The following PLXDC2 variants were observed in gnomAD, a reference collection of about 807,000 sequenced individuals.
PLXDC2 encodes plexin domain-containing protein 2.
PLXDC2 carries 40 observed loss-of-function variants against 68.9 expected under a neutral mutation model. That is an observed-to-expected ratio of 0.58 (90% CI 0.45 to 0.76). The LOEUF (loss-of-function observed/expected upper bound fraction) is 0.76. Ranked by LOEUF, PLXDC2 falls within the 30% of genes least tolerant of loss-of-function variation. The pLI is 0.00. For missense variants in PLXDC2, 644 were observed against 661.9 expected (o/e 0.97, Z 0.30); for synonymous variants, 243 against 234.2 (o/e 1.04, Z -0.34).
At position 20,044,209 on chromosome 10, in the gene PLXDC2, CTGTCTT is replaced by C. The variant is rs879321073; in HGVS notation, c.325-2658_325-2653del. ...TCTTTCTTTCTCTCTCTCTCTCTCTCTGTCTTTCTTTCTTTCTTTCTTTCTTTCTTT... is the reference window on the plus strand; with the variant it reads ...TCTTTCTTTCTCTCTCTCTCTCTCTCTCTTTCTTTCTTTCTTTCTTTCTTT... On this transcript the variant is annotated intron_variant, in intron 2 of 13. Coordinates refer to ENST00000377252, the MANE Select transcript of PLXDC2 (RefSeq NM_032812.9). Among the ~76,000 whole-genome samples the C allele has an allele frequency of 1.2e-3, 109 of 91,576 alleles. 1 individual carries two copies. The highest frequency in any genetic ancestry group is 2.1e-3 in the South Asian group (5 of 2,372). 60.1% of individuals were successfully genotyped at this position (91,576 alleles called of 152,430 possible).
At position 20,115,323 on chromosome 10, in the gene PLXDC2, G is replaced by A. The variant is rs578009747; in HGVS notation, c.542-27972G>A. On this transcript the variant is annotated intron_variant, in intron 4 of 13. Coordinates refer to ENST00000377252, the MANE Select transcript of PLXDC2 (RefSeq NM_032812.9). ...TTCCTTTTGCGAGATGGTCTGGGCT[G>A]AGTGTGGGGCACCTAAGCTGACCCC... Among the ~76,000 whole-genome samples, 4 of 152,300 alleles carry A rather than the reference G, an allele frequency of 2.6e-5. No homozygotes were observed. The South Asian group carries it at 8.3e-4, about 32-fold the overall frequency.
At chr10:20,056,824 C>G (rs1451127184) in intron 3 of PLXDC2, among the ~76,000 whole-genome samples, 4 of 152,118 alleles carry the variant, frequency 2.6e-5, no homozygotes, top group African/African-American at 7.2e-5. Context: ...ATAATACATT[C>G]TCTATTACCG....
chr10:19,876,785 G>A (rs1375799849), intron 1 of PLXDC2, among the ~76,000 whole-genome samples: 1 of 151,998 alleles, frequency 6.6e-6, no homozygotes, highest in Non-Finnish European at 1.5e-5. Flanking sequence ...ATGTTGCATA[G>A]CAGATAAAAG....
chr10:20,194,877 A>G (rs943038575), intron 9 of PLXDC2, among the ~76,000 whole-genome samples: 26 of 148,510 alleles, frequency 1.8e-4, no homozygotes, highest in African/African-American at 5.5e-4. Context: ...GCTTTGCTCA[A>G]TTACTATTAT....
chr10:19,892,730 C>T (rs1012738574), intron 1 of PLXDC2, among the ~76,000 whole-genome samples: 3 of 152,110 alleles, frequency 2.0e-5, no homozygotes, highest in African/African-American at 7.2e-5. Flanking sequence ...TCCTGCAAAC[C>T]ATTCCCGTAT....
intron 4 of PLXDC2, among the ~76,000 whole-genome samples, chr10:20,080,787 A>C (rs1244228711): frequency 6.6e-6 from 1 of 152,186 alleles, no homozygotes; most frequent in Non-Finnish European, 1.5e-5. Context: ...CCATCACACA[A>C]GGCAAACCAC....
chr10:20,070,455 G>C (rs903042762), intron 4 of PLXDC2, among the ~76,000 whole-genome samples: 19 of 152,234 alleles, frequency 1.2e-4, no homozygotes, highest in Non-Finnish European at 2.6e-4. Flanking sequence ...CTTAAATTTT[G>C]TGTGAAAATA....
intron 4 of PLXDC2, among the ~76,000 whole-genome samples, chr10:20,105,681 A>T (rs1182889367): frequency 6.6e-6 from 1 of 152,022 alleles, no homozygotes; most frequent in Non-Finnish European, 1.5e-5. Flanking sequence ...CTCTGCAGCA[A>T]CCCGGAGCAA....
Position 20,283,729 on chromosome 10 carries a change from C to T in PLXDC2, c.*3910C>T, listed in dbSNP as rs1391052328. The T allele has an allele frequency of 6.6e-6, 1 of 152,114 alleles. No homozygotes were observed. The allele number at this position is 152,114 out of a possible 1,614,324, so 9.4% of individuals were successfully genotyped here. ...GTTTCTTATGATTTCCTATTTTACACTTAACAGCAAAAGGAGGCTTCCATT... is the reference window on the plus strand; with the variant it reads ...GTTTCTTATGATTTCCTATTTTACATTTAACAGCAAAAGGAGGCTTCCATT... On this transcript the variant is annotated 3_prime_UTR_variant, in exon 14 of 14. Coordinates refer to ENST00000377252, the MANE Select transcript of PLXDC2 (RefSeq NM_032812.9).
intron 4 of PLXDC2, among the ~76,000 whole-genome samples, chr10:20,125,158 A>G (rs995467990): frequency 6.6e-6 from 1 of 151,742 alleles, no homozygotes; most frequent in Middle Eastern, 3.2e-3. Context: ...CCCCCTACCC[A>G]CACACCTGTT....
intron 1 of PLXDC2, among the ~76,000 whole-genome samples, chr10:19,988,731 T>C (rs1300185642): frequency 1.3e-5 from 2 of 150,582 alleles, no homozygotes; most frequent in African/African-American, 4.9e-5. Flanking sequence ...GTCTAAAATA[T>C]TTATATTGGC....
chr10:20,056,638 T>A (rs1241226417), intron 3 of PLXDC2, among the ~76,000 whole-genome samples: 1 of 152,160 alleles, frequency 6.6e-6, no homozygotes, highest in East Asian at 1.9e-4. Context: ...TTCACATTGA[T>A]CCATTTCTTT....
intron 1 of PLXDC2, among the ~76,000 whole-genome samples, chr10:19,954,102 G>C (rs548961829): frequency 6.6e-6 from 1 of 152,146 alleles, no homozygotes; most frequent in South Asian, 2.1e-4. Context: ...AATAGGCAGA[G>C]ATTATGAGAA....
rs552474069 is a variant in PLXDC2, at chr10:20,025,563, C to T, written c.325-21306C>T. ...AGGTGTGAGCCACAGCACCCAGCCTCGACTTTTTAATTCTAGCCATTCTGA... is the reference window on the plus strand; with the variant it reads ...AGGTGTGAGCCACAGCACCCAGCCTTGACTTTTTAATTCTAGCCATTCTGA... On this transcript the variant is annotated intron_variant, in intron 2 of 13. Transcript: ENST00000377252. Among the ~76,000 whole-genome samples the T allele has an allele frequency of 8.5e-5, 13 of 152,086 alleles. No individual in the cohort carries two copies. In the South Asian group the frequency reaches 1.7e-3, roughly 19 times the overall value.
intron 2 of PLXDC2, among the ~76,000 whole-genome samples, chr10:20,025,576 C>G (rs1835386223): frequency 6.6e-6 from 1 of 152,032 alleles, no homozygotes; most frequent in Admixed American, 6.6e-5. Context: ...CTTTTTAATT[C>G]TAGCCATTCT....
chr10:20,187,396 A>T (rs1361456673), intron 9 of PLXDC2, among the ~76,000 whole-genome samples: 1 of 151,858 alleles, frequency 6.6e-6, no homozygotes. Context: ...GTACAGTGTG[A>T]TATTTTAATA....
intron 1 of PLXDC2, among the ~76,000 whole-genome samples, chr10:19,929,764 T>C (rs1222995212): frequency 1.3e-5 from 2 of 152,218 alleles, no homozygotes; most frequent in African/African-American, 4.8e-5. Context: ...AACTGCCTGT[T>C]GGTTGCATGT....
rs1028131866 is a variant in PLXDC2 at position 20,068,308 on chromosome 10, C to T, written c.541+69C>T. On this transcript the variant is annotated intron_variant, in intron 4 of 13. Coordinates refer to ENST00000377252, the MANE Select transcript of PLXDC2 (RefSeq NM_032812.9). ...GACTGCAGTTATTATTTTTAAGTTA[C>T]TCTATATTTCAAGATGGATATTTAT... The T allele has an allele frequency of 1.6e-5, 20 of 1,255,004 alleles. No homozygotes were observed. The African/African-American group carries it at 2.9e-4, about 18-fold the overall frequency. 77.7% of individuals were successfully genotyped at this position (1,255,004 alleles called of 1,614,324 possible).
intron 4 of PLXDC2, among the ~76,000 whole-genome samples, chr10:20,103,174 C>G (rs1037768335): frequency 6.6e-6 from 1 of 151,794 alleles, no homozygotes; most frequent in Admixed American, 6.6e-5. Flanking sequence ...TTTAGGGGCC[C>G]CCAAAATATT....
Sources: gnomAD v4.1 joint callset for allele counts (sites outside exome capture counted in the v4.1 genomes callset) on GRCh38, gnomAD v4.1.1 for gene constraint, MANE v1.5 for transcripts, NCBI Gene and HGNC (gene_info 2026-07-23, HGNC 2026-07-21) for gene names.